Variants in DLG2 observed in about 807,000 individuals in gnomAD.
DLG2 encodes the protein discs large MAGUK scaffold protein 2.
A neutral mutation model predicts 132.5 loss-of-function variants in DLG2; 45 were observed. The observed-to-expected ratio is 0.34, with a 90% confidence interval of 0.27 to 0.44. The LOEUF is 0.44. DLG2 is among the 20% of genes least tolerant of loss of function. The probability of loss-of-function intolerance (pLI) is 1.00; values close to 1 mark genes in which losing one functional copy is unlikely to be tolerated. For synonymous variants in DLG2, 424 were observed against 419.6 expected, an observed-to-expected ratio of 1.01 and a Z score of -0.13; for missense variants, 1,045 against 1,196.9, an observed-to-expected ratio of 0.87 and a Z score of 1.87.
chr11:85,414,753 G>A (rs58272571), intron 3 of DLG2, among the ~76,000 whole-genome samples: 16,907 of 151,796 alleles, frequency 0.11, 1,122 homozygotes, highest in African/African-American at 0.18. Flanking sequence ...ATCTATTAGC[G>A]GTTGTTTTAT....
At chr11:84,996,009 G>A (rs771232470) in intron 6 of DLG2, among the ~76,000 whole-genome samples, 3 of 151,848 alleles carry the variant, frequency 2.0e-5, no homozygotes, top group African/African-American at 2.4e-5. Flanking sequence ...TCATCTCTTC[G>A]CATCTTCTAT....
At chr11:84,769,859 A>T (rs1363225957) in intron 6 of DLG2, among the ~76,000 whole-genome samples, 2 of 152,222 alleles carry the variant, frequency 1.3e-5, no homozygotes, top group African/African-American at 4.8e-5. Flanking sequence ...AGAATTTAAT[A>T]TCCTGCCCAA....
At chr11:84,263,277 T>C (rs190942971) in intron 7 of DLG2, among the ~76,000 whole-genome samples, 15 of 152,052 alleles carry the variant, frequency 9.9e-5, no homozygotes, top group Non-Finnish European at 2.1e-4. Flanking sequence ...ATGATCTCTG[T>C]TTTTACCACT....
chr11:83,734,290 A>G (rs1428499434), intron 18 of DLG2, among the ~76,000 whole-genome samples: 1 of 151,962 alleles, frequency 6.6e-6, no homozygotes, highest in East Asian at 1.9e-4. Context: ...GCAAATCACA[A>G]CCCAAAAGTG....
At chr11:85,071,916 C>T (rs1256954125) in intron 6 of DLG2, among the ~76,000 whole-genome samples, 2 of 151,804 alleles carry the variant, frequency 1.3e-5, no homozygotes, top group African/African-American at 4.8e-5. Context: ...ATCATCCTAC[C>T]CAGTTTTTAT....
intron 18 of DLG2, among the ~76,000 whole-genome samples, chr11:83,764,277 G>C (rs571405132): frequency 6.6e-6 from 1 of 152,274 alleles, no homozygotes; most frequent in African/African-American, 2.4e-5. Context: ...GACAGCAGGA[G>C]GGAGAAGCTT....
chr11:83,833,185 C>A (rs2055055935), intron 17 of DLG2, among the ~76,000 whole-genome samples: 1 of 152,274 alleles, frequency 6.6e-6, no homozygotes, highest in African/African-American at 2.4e-5. Flanking sequence ...TGCCTGTAAT[C>A]CCAGCACTTT....
intron 11 of DLG2, among the ~76,000 whole-genome samples, chr11:83,999,491 G>A (rs1407134657): frequency 2.6e-5 from 4 of 151,844 alleles, no homozygotes; most frequent in African/African-American, 4.8e-5. Flanking sequence ...CTAATAACCT[G>A]CCCACCTGCC....
intron 15 of DLG2, among the ~76,000 whole-genome samples, chr11:83,906,067 CTCTCTCTCTCTCTCTATATATA>C: frequency 9.6e-6 from 1 of 104,452 alleles, no homozygotes; most frequent in East Asian, 2.7e-4. Context: ...CTCTCTCTCT[CTCTCTCTCTCTCTCTATATATA>C]TATATATATA....
At chr11:83,498,974 T>C (rs908173069) in intron 21 of DLG2, among the ~76,000 whole-genome samples, 1 of 152,070 alleles carries the variant, frequency 6.6e-6, no homozygotes, top group Non-Finnish European at 1.5e-5. Flanking sequence ...GACTAATTCC[T>C]AGAAAGACAC....
intron 17 of DLG2, among the ~76,000 whole-genome samples, chr11:83,797,949 G>A (rs6592141): frequency 0.47 from 71,519 of 151,996 alleles, 17,187 homozygotes; most frequent in Middle Eastern, 0.59. Flanking sequence ...TTATTTTAAC[G>A]TCATTCTTGT....
chr11:84,079,274 G>GT (rs1457765323), intron 10 of DLG2, among the ~76,000 whole-genome samples: 183 of 61,698 alleles, frequency 3.0e-3, no homozygotes, highest in Middle Eastern at 0.019. Flanking sequence ...TCTATTTTTG[G>GT]TTTGTTTTTT....
intron 11 of DLG2, among the ~76,000 whole-genome samples, chr11:84,033,862 A>C (rs1286197208): frequency 1.3e-5 from 2 of 151,848 alleles, no homozygotes; most frequent in East Asian, 3.9e-4. Context: ...AACATGGAGA[A>C]ACTCCGTCTT....
At chr11:83,843,127 C>G (rs978245567) in intron 16 of DLG2, among the ~76,000 whole-genome samples, 1 of 152,132 alleles carries the variant, frequency 6.6e-6, no homozygotes, top group Non-Finnish European at 1.5e-5. Context: ...TATTATTTGA[C>G]CTCACCTACC....
rs1384371203 is a variant in DLG2 at position 85,471,804 on chromosome 11, T to G, written c.40+126853A>C. Among the ~76,000 whole-genome samples, 4 of 152,160 alleles carry G rather than the reference T, an allele frequency of 2.6e-5. No homozygotes were observed. The East Asian group carries it at 7.7e-4, about 29-fold the overall frequency. ...TCAATGAGCTAAAGGAAGAAAATTT[T>G]TAATAATTGATAAAAAGACATGATT... On this transcript the variant is annotated intron_variant, in intron 3 of 27. Transcript: ENST00000376104.
At chr11:84,018,864 A>G in intron 11 of DLG2, among the ~76,000 whole-genome samples, 1 of 152,094 alleles carries the variant, frequency 6.6e-6, no homozygotes, top group East Asian at 1.9e-4. Flanking sequence ...AAAAATGGGC[A>G]AGACTAAAAT....
intron 6 of DLG2, among the ~76,000 whole-genome samples, chr11:85,037,435 C>G (rs1212863226): frequency 6.6e-6 from 1 of 152,150 alleles, no homozygotes; most frequent in African/African-American, 2.4e-5. Flanking sequence ...GGTATGAAAA[C>G]TGACTTAAAT....
chr11:85,170,087 G>T (rs2152491450), intron 4 of DLG2, among the ~76,000 whole-genome samples: 1 of 152,266 alleles, frequency 6.6e-6, no homozygotes, highest in African/African-American at 2.4e-5. Flanking sequence ...ATATTACATG[G>T]CAGCGAGCCA....
chr11:85,460,328 A>T (rs1372420087), intron 3 of DLG2, among the ~76,000 whole-genome samples: 1 of 152,178 alleles, frequency 6.6e-6, no homozygotes, highest in Non-Finnish European at 1.5e-5. Context: ...CAGACTCCAC[A>T]CAGCTCTCAT....
Sources: gnomAD v4.1 joint callset for allele counts (sites outside exome capture counted in the v4.1 genomes callset) on GRCh38, gnomAD v4.1.1 for gene constraint, MANE v1.5 for transcripts, NCBI Gene and HGNC (gene_info 2026-07-23, HGNC 2026-07-21) for gene names.